FGF14: variants seen among roughly 807,000 people sequenced by gnomAD.
The protein encoded by FGF14 is fibroblast growth factor homologous factor 4.
Under a neutral mutation model 25.5 loss-of-function variants are expected in FGF14, and 5 were observed. The observed-to-expected ratio is 0.20, with a 90% CI of 0.10 to 0.41. The LOEUF (loss-of-function observed/expected upper bound fraction) is 0.41, where lower values mean the gene tolerates loss of function less well. FGF14 is among the 10% of genes least tolerant of loss of function. The pLI, the probability that FGF14 is intolerant of heterozygous loss-of-function variation, is 1.00. For synonymous variants in FGF14, 138 were observed against 118.3 expected, an observed-to-expected ratio of 1.17 and a Z score of -1.08; for missense variants, 222 against 320.1, an observed-to-expected ratio of 0.69 and a Z score of 2.34.
At chr13:101,926,539 G>A (rs1426347629) in intron 1 of FGF14, among the ~76,000 whole-genome samples, 3 of 152,170 alleles carry the variant, frequency 2.0e-5, no homozygotes, top group East Asian at 3.8e-4. Context: ...GTGGAGACAG[G>A]ACCATTAGGC....
At chr13:101,877,777 C>T (rs376812294) in intron 1 of FGF14, among the ~76,000 whole-genome samples, 1 of 152,134 alleles carries the variant, frequency 6.6e-6, no homozygotes, top group African/African-American at 2.4e-5. Flanking sequence ...TCTTGAAAAA[C>T]CTCTTCTCAG....
intron 1 of FGF14, among the ~76,000 whole-genome samples, chr13:102,390,736 T>C (rs1261110957): frequency 6.6e-6 from 1 of 152,208 alleles, no homozygotes; most frequent in Non-Finnish European, 1.5e-5. Flanking sequence ...AAAGATTAGT[T>C]GTTATCAACT....
rs192690250 is a variant in FGF14, at chr13:102,292,675, G to A, written c.208+108796C>T. The A allele has an allele frequency of 2.0e-5, 3 of 152,340 alleles. No homozygotes were observed. The East Asian group carries it at 5.8e-4, about 29-fold the overall frequency. 9.4% of individuals were successfully genotyped at this position (152,340 alleles called of 1,614,324 possible). On this transcript the variant is annotated intron_variant, in intron 1 of 4. Coordinates refer to the FGF14 transcript ENST00000376131. Reference sequence around the variant, plus strand: ...CCACCTCACCTACAACAATGGGCCTGAGACTCAGCAGGATGAGAAATATCT... The same window carrying A: ...CCACCTCACCTACAACAATGGGCCTAAGACTCAGCAGGATGAGAAATATCT...
Position 102,146,023 on chromosome 13 carries a change from T to C in FGF14, c.208+255448A>G, listed in dbSNP as rs546531242. Reference sequence around the variant, plus strand: ...GAGCAGATCCAACCTATTAGCACTCTGATAAGCAAAGCAAATTACTGAGGA... The same window carrying C: ...GAGCAGATCCAACCTATTAGCACTCCGATAAGCAAAGCAAATTACTGAGGA... On this transcript the variant is annotated intron_variant, in intron 1 of 4. Transcript: ENST00000376131. Among the ~76,000 whole-genome samples the C allele has an allele frequency of 3.3e-5, 5 of 152,352 alleles. 1 individual carries two copies. In the South Asian group the frequency reaches 1.0e-3, roughly 32 times the overall value.
chr13:102,345,515 C>A (rs148542255), intron 1 of FGF14, among the ~76,000 whole-genome samples: 261 of 152,342 alleles, frequency 1.7e-3, no homozygotes, highest in African/African-American at 6.0e-3. Flanking sequence ...ACAAAGCATG[C>A]CTTTTCCCCC....
chr13:101,863,474 C>G (rs898126795), intron 3 of FGF14, among the ~76,000 whole-genome samples: 3 of 152,068 alleles, frequency 2.0e-5, no homozygotes, highest in African/African-American at 7.2e-5. Context: ...AAACATAAAA[C>G]CTGGGGGAGG....
chr13:102,120,967 G>T (rs1004467920), intron 1 of FGF14, among the ~76,000 whole-genome samples: 2 of 152,172 alleles, frequency 1.3e-5, no homozygotes, highest in African/African-American at 4.8e-5. Flanking sequence ...GCCTCCCAAA[G>T]TGCTGGGATT....
At chr13:101,953,285 G>A (rs1402187232) in intron 1 of FGF14, among the ~76,000 whole-genome samples, 2 of 151,976 alleles carry the variant, frequency 1.3e-5, no homozygotes, top group Admixed American at 1.3e-4. Flanking sequence ...ACTTTTTTCT[G>A]TTTATCTTTT....
intron 1 of FGF14, among the ~76,000 whole-genome samples, chr13:102,103,799 T>C (rs771769716): frequency 1.3e-5 from 2 of 152,156 alleles, no homozygotes; most frequent in Non-Finnish European, 2.9e-5. Flanking sequence ...TTCTCTGCCA[T>C]AGAGTAATGC....
At chr13:102,011,757 G>A (rs1464809138) in intron 1 of FGF14, among the ~76,000 whole-genome samples, 1 of 152,146 alleles carries the variant, frequency 6.6e-6, no homozygotes, top group East Asian at 1.9e-4. Flanking sequence ...AAAGTCTCCG[G>A]TCATCAAGCT....
At chr13:101,957,977 T>C (rs2036611111) in intron 1 of FGF14, among the ~76,000 whole-genome samples, 1 of 152,122 alleles carries the variant, frequency 6.6e-6, no homozygotes, top group African/African-American at 2.4e-5. Context: ...TAAATAAATA[T>C]AGTAAATAGT....
chr13:101,788,907 TATAGAGAGAGAGAGAGAGAG>T (rs1344059993), intron 3 of FGF14, among the ~76,000 whole-genome samples: 47 of 32,370 alleles, frequency 1.5e-3, no homozygotes, highest in Non-Finnish European at 2.7e-3. Flanking sequence ...TATATATATA[TATAGAGAGAGAGAGAGAGAG>T]AGAGAGAGAG....
chr13:101,982,696 C>T (rs991455886), intron 1 of FGF14, among the ~76,000 whole-genome samples: 10 of 152,190 alleles, frequency 6.6e-5, no homozygotes, highest in African/African-American at 2.4e-4. Flanking sequence ...GCCCTATCCT[C>T]GTTTTGCCTG....
At chr13:102,399,714 G>C (rs1257027532) in intron 1 of FGF14, among the ~76,000 whole-genome samples, 1 of 152,180 alleles carries the variant, frequency 6.6e-6, no homozygotes, top group East Asian at 1.9e-4. Flanking sequence ...TGTCGTTTCA[G>C]AGTTGCTAAA....
At chr13:102,344,625 G>T (rs2057048270) in intron 1 of FGF14, among the ~76,000 whole-genome samples, 1 of 152,182 alleles carries the variant, frequency 6.6e-6, no homozygotes, top group Non-Finnish European at 1.5e-5. Context: ...CTCACTGCCT[G>T]TCAGTCTCTG....
intron 1 of FGF14, among the ~76,000 whole-genome samples, chr13:102,081,105 T>C (rs749336511): frequency 7.9e-5 from 12 of 152,240 alleles, no homozygotes; most frequent in Non-Finnish European, 1.5e-4. Context: ...TAGTAAGTCA[T>C]GTAAAAAAAC....
chr13:101,774,607 T>G (rs117930662), intron 3 of FGF14, among the ~76,000 whole-genome samples: 1 of 152,000 alleles, frequency 6.6e-6, no homozygotes, highest in African/African-American at 2.4e-5. Flanking sequence ...TCATCACTAG[T>G]GGAAATGTTT....
intron 3 of FGF14, among the ~76,000 whole-genome samples, chr13:101,787,504 A>T (rs2039908780): frequency 6.6e-6 from 1 of 152,164 alleles, no homozygotes; most frequent in Non-Finnish European, 1.5e-5. Flanking sequence ...ACTGAGTTAC[A>T]AACCCCTGGA....
At chr13:102,346,728 A>ATT (rs1417209593) in intron 1 of FGF14, among the ~76,000 whole-genome samples, 1 of 152,200 alleles carries the variant, frequency 6.6e-6, no homozygotes, top group East Asian at 1.9e-4. Context: ...CGGTAGTGGC[A>ATT]TTAATTGCTG....
Sources: gnomAD v4.1 joint callset for allele counts (sites outside exome capture counted in the v4.1 genomes callset) on GRCh38, gnomAD v4.1.1 for gene constraint, MANE v1.5 for transcripts, NCBI Gene and HGNC (gene_info 2026-07-23, HGNC 2026-07-21) for gene names.